The following GLRA3 variants were observed in gnomAD, a reference collection of about 807,000 sequenced individuals.
GLRA3 encodes glycine receptor alpha 3.
In GLRA3, 44 loss-of-function variants were observed where a neutral mutation model predicts 60.4. That is an observed-to-expected ratio of 0.73 (90% CI 0.57 to 0.94). The LOEUF (loss-of-function observed/expected upper bound fraction) is 0.94, where lower values mean the gene tolerates loss of function less well. Ranked by LOEUF, GLRA3 falls within the 40% of genes least tolerant of loss-of-function variation. The pLI is 0.00. For missense variants in GLRA3, 508 were observed against 564.6 expected (o/e 0.90, Z 1.02); for synonymous variants, 223 against 192.9 (o/e 1.16, Z -1.29).
At chr4:174,824,728 C>T (rs1463313267) in intron 1 of GLRA3, among the ~76,000 whole-genome samples, 1 of 152,160 alleles carries the variant, frequency 6.6e-6, no homozygotes, top group Non-Finnish European at 1.5e-5. Context: ...AGGCCCACCA[C>T]AAGTACCAAG....
intron 4 of GLRA3, among the ~76,000 whole-genome samples, chr4:174,722,455 T>C (rs1042234523): frequency 6.6e-6 from 1 of 152,186 alleles, no homozygotes; most frequent in Non-Finnish European, 1.5e-5. Flanking sequence ...TTGAAAATAT[T>C]AATTATTCTC....
At chr4:174,744,889 A>G (rs1321792622) in intron 3 of GLRA3, among the ~76,000 whole-genome samples, 1 of 152,224 alleles carries the variant, frequency 6.6e-6, no homozygotes, top group Non-Finnish European at 1.5e-5. Context: ...CTTTGAAAAT[A>G]CAATACACAG....
intron 5 of GLRA3, among the ~76,000 whole-genome samples, chr4:174,688,359 ATATATATATT>A (rs1734638014): frequency 8.6e-6 from 1 of 116,684 alleles, no homozygotes. Flanking sequence ...ATATATATAT[ATATATATATT>A]CATCAGGTTT....
At chr4:174,682,564 A>G (rs1734391623) in intron 6 of GLRA3, among the ~76,000 whole-genome samples, 1 of 152,232 alleles carries the variant, frequency 6.6e-6, no homozygotes, top group South Asian at 2.1e-4. Flanking sequence ...TGAGCTTTTC[A>G]TTAAAAATTA....
rs140445296 is a variant in GLRA3 at position 174,788,824 on chromosome 4, T to C, written c.191A>G (p.Asn64Ser). The change falls in exon 2 of 10, where the codon AAT becomes AGT. Residue 64 changes from asparagine to serine, a missense_variant. By Grantham distance (46) the Asn-to-Ser change is conservative (BLOSUM62 1). This residue lies in a region of GLRA3 where 329 missense variants were observed against 349.3 expected (regional missense o/e 0.94). Transcript: ENST00000274093. The stretch of plus-strand genomic sequence containing the variant: ...GCAAACAGAACAATTACCTTTAAAA[T>C]TGGGTCTGATTCTTGCATCATATCC... The part of the protein sequence containing the change: ...TSGYDARIRP[N>S]FKGPPVNVTC... 196 of 1,599,264 alleles carry C rather than the reference T, an allele frequency of 1.2e-4. 1 individual carries two copies. The African/African-American group carries it at 2.3e-3, about 19-fold the overall frequency.
intron 5 of GLRA3, among the ~76,000 whole-genome samples, chr4:174,684,351 G>C (rs948987840): frequency 6.6e-6 from 1 of 152,014 alleles, no homozygotes; most frequent in Non-Finnish European, 1.5e-5. Context: ...ATGCCTCCTT[G>C]ATTTAATCAT....
At chr4:174,651,381 T>G (rs1471936565) in intron 9 of GLRA3, among the ~76,000 whole-genome samples, 3 of 152,186 alleles carry the variant, frequency 2.0e-5, no homozygotes, top group Admixed American at 6.6e-5. Context: ...AGGAAAATAT[T>G]TATTATACTA....
At chr4:174,817,150 C>T (rs917009317) in intron 1 of GLRA3, among the ~76,000 whole-genome samples, 1 of 152,260 alleles carries the variant, frequency 6.6e-6, no homozygotes, top group East Asian at 1.9e-4. Context: ...TTGGCCAGAA[C>T]TTGGCCACAG....
chr4:174,707,889 G>T (rs72706186), intron 5 of GLRA3, among the ~76,000 whole-genome samples: 21,236 of 152,152 alleles, frequency 0.14, 1,950 homozygotes, highest in South Asian at 0.21. Context: ...TAGAATACCT[G>T]ATGATCAGTA....
chr4:174,698,025 G>A (rs1313813282), intron 5 of GLRA3, among the ~76,000 whole-genome samples: 1 of 152,108 alleles, frequency 6.6e-6, no homozygotes, highest in Admixed American at 6.6e-5. Flanking sequence ...TGGAGGTTCA[G>A]ATCTGCTCAA....
At chr4:174,699,839 T>C (rs1240703880) in intron 5 of GLRA3, among the ~76,000 whole-genome samples, 1 of 150,800 alleles carries the variant, frequency 6.6e-6, no homozygotes, top group African/African-American at 2.4e-5. Context: ...TGTTAATTAT[T>C]AATTAATAAT....
At chr4:174,746,248 T>C (rs73006404) in intron 3 of GLRA3, among the ~76,000 whole-genome samples, 181 of 152,234 alleles carry the variant, frequency 1.2e-3, no homozygotes, top group African/African-American at 4.1e-3. Flanking sequence ...AACCTAACTG[T>C]CTATTAACAG....
chr4:174,768,944 T>A (rs1738266660), intron 2 of GLRA3, among the ~76,000 whole-genome samples: 1 of 152,146 alleles, frequency 6.6e-6, no homozygotes, highest in South Asian at 2.1e-4. Context: ...TGTAAGTTAG[T>A]CGGAGAACAC....
chr4:174,737,380 C>A (rs1736841677), intron 3 of GLRA3, among the ~76,000 whole-genome samples: 1 of 152,080 alleles, frequency 6.6e-6, no homozygotes, highest in African/African-American at 2.4e-5. Context: ...TAAATAAGAA[C>A]AAAGGAATAG....
In GLRA3 at chr4:174,639,052, C is replaced by G. The variant is rs1353982211; in HGVS notation, c.*4734G>C. The G allele has an allele frequency of 6.6e-6, 1 of 152,146 alleles. No homozygotes were observed. Among genetic ancestry groups the G allele is most frequent in the Non-Finnish European group, 1.5e-5 (1 of 68,030 alleles). The allele number at this position is 152,146 out of a possible 1,614,324, so 9.4% of individuals were successfully genotyped here. The stretch of plus-strand genomic sequence containing the variant: ...ACCTGTTCAGACACTACAAAGTCAT[C>G]CAATATTACTAGCTGTCTTTTGAAA... On this transcript the variant is annotated 3_prime_UTR_variant, in exon 10 of 10. Transcript: ENST00000274093.
At chr4:174,791,417 T>TAA (rs1269886313) in intron 1 of GLRA3, among the ~76,000 whole-genome samples, 1 of 152,168 alleles carries the variant, frequency 6.6e-6, no homozygotes, top group Admixed American at 6.5e-5. Context: ...GCAGAACTGT[T>TAA]AGAGAATAGA....
rs541593951 is a variant in GLRA3 at position 174,713,140 on chromosome 4, T to C, written c.574+2348A>G. On this transcript the variant is annotated intron_variant, in intron 5 of 9. Coordinates refer to ENST00000274093, the MANE Select transcript of GLRA3 (RefSeq NM_006529.4). ...ACAAAGTCTCTATGGTTAGCTAAATTAAAATTAATTCCTAATAAGAGAGCA... is the reference window on the plus strand; with the variant it reads ...ACAAAGTCTCTATGGTTAGCTAAATCAAAATTAATTCCTAATAAGAGAGCA... Among the ~76,000 whole-genome samples, 12 of 152,152 alleles carry C rather than the reference T, an allele frequency of 7.9e-5. No homozygotes were observed. The South Asian group carries it at 2.1e-3, about 26-fold the overall frequency.
At chr4:174,802,731 AG>A (rs2111345810) in intron 1 of GLRA3, among the ~76,000 whole-genome samples, 1 of 152,220 alleles carries the variant, frequency 6.6e-6, no homozygotes, top group East Asian at 1.9e-4. Flanking sequence ...AAGATTTAGA[AG>A]TAGATAAAAA....
intron 1 of GLRA3, among the ~76,000 whole-genome samples, chr4:174,815,056 T>C (rs1287489890): frequency 3.3e-5 from 5 of 152,070 alleles, no homozygotes; most frequent in Non-Finnish European, 5.9e-5. Flanking sequence ...CTAGATGCAA[T>C]GGGGTTATAG....
Sources: allele counts gnomAD v4.1 joint callset (sites outside exome capture counted in the v4.1 genomes callset), GRCh38; gene constraint gnomAD v4.1.1; regional missense constraint gnomAD v4.1.1; transcripts MANE v1.5; gene names NCBI Gene and HGNC (gene_info 2026-07-23, HGNC 2026-07-21).